The following SUGCT variants were observed in gnomAD, a reference collection of about 807,000 sequenced individuals.
The protein encoded by SUGCT is succinyl-CoA:glutarate CoA-transferase.
Under a neutral mutation model 55.0 loss-of-function variants are expected in SUGCT, and 41 were observed. That is an observed-to-expected ratio of 0.74 (90% confidence interval 0.58 to 0.97). The LOEUF is 0.97. Among genes scored for constraint, SUGCT ranks in the 50% least tolerant of loss-of-function variants. The pLI is 0.00. For synonymous variants in SUGCT, 187 were observed against 200.4 expected (o/e 0.93, Z 0.56); for missense variants, 568 against 547.8 (o/e 1.04, Z -0.37).
chr7:40,386,093 G>A (rs1273779497), intron 9 of SUGCT, among the ~76,000 whole-genome samples: 2 of 152,136 alleles, frequency 1.3e-5, no homozygotes, highest in African/African-American at 4.8e-5. Flanking sequence ...GCCTGGTTTC[G>A]TCTTCACTGT....
intron 12 of SUGCT, among the ~76,000 whole-genome samples, chr7:40,527,950 C>T (rs528547568): frequency 2.9e-4 from 44 of 152,164 alleles, no homozygotes; most frequent in African/African-American, 9.9e-4. Context: ...AACTCAGTGC[C>T]CTTGCATTTC....
At chr7:40,295,772 A>G (rs1389246287) in intron 8 of SUGCT, among the ~76,000 whole-genome samples, 4 of 152,198 alleles carry the variant, frequency 2.6e-5, no homozygotes, top group Non-Finnish European at 5.9e-5. Context: ...TGTAAAAATA[A>G]TTGCCTATTT....
intron 13 of SUGCT, among the ~76,000 whole-genome samples, chr7:40,796,779 G>A (rs958049014): frequency 6.6e-6 from 1 of 152,144 alleles, no homozygotes; most frequent in African/African-American, 2.4e-5. Flanking sequence ...TAGATATTGT[G>A]GAGAAAATAT....
chr7:40,589,314 A>G (rs1457998899), intron 12 of SUGCT, among the ~76,000 whole-genome samples: 1 of 152,192 alleles, frequency 6.6e-6, no homozygotes. Flanking sequence ...TTTATAAAGA[A>G]CAGAAATTTA....
At chr7:40,749,859 A>G (rs1455357918) in intron 13 of SUGCT, among the ~76,000 whole-genome samples, 1 of 152,212 alleles carries the variant, frequency 6.6e-6, no homozygotes, top group African/African-American at 2.4e-5. Context: ...AGAATTGGAA[A>G]GAAAGCCAGG....
At chr7:41,032,538 A>C in the SUGCT span, among the ~76,000 whole-genome samples, 1 of 152,202 alleles carries the variant, frequency 6.6e-6, no homozygotes, top group Non-Finnish European at 1.5e-5. Context: ...ACACAACTAC[A>C]TTCTAAGAAA....
chr7:40,574,588 C>T (rs1036342905), intron 12 of SUGCT, among the ~76,000 whole-genome samples: 1 of 152,092 alleles, frequency 6.6e-6, no homozygotes, highest in Non-Finnish European at 1.5e-5. Flanking sequence ...CACGCCACCA[C>T]ACGCTGCTAA....
the SUGCT span, among the ~76,000 whole-genome samples, chr7:40,924,317 T>G: frequency 6.9e-6 from 1 of 144,738 alleles, no homozygotes; most frequent in African/African-American, 2.6e-5. Context: ...CTCAGTTTAC[T>G]GCAACCTCTG....
intron 6 of SUGCT, among the ~76,000 whole-genome samples, chr7:40,202,530 T>C (rs1786670008): frequency 6.6e-6 from 1 of 152,160 alleles, no homozygotes; most frequent in Non-Finnish European, 1.5e-5. Context: ...TTATCCATCT[T>C]TTCCTATTGT....
rs553644677 is a variant in SUGCT at position 40,779,107 on chromosome 7, G to A, written c.1153+29610G>A. Among the ~76,000 whole-genome samples the A allele has an allele frequency of 1.2e-4, 17 of 144,940 alleles. No individual in the cohort carries two copies. The East Asian group carries it at 3.6e-3, about 31-fold the overall frequency. ...TGGTGCTGGTTCTGTCTCCGTTGAT[G>A]TCTTTGCCCCAGAAAAATTCACCCA... On this transcript the variant is annotated intron_variant, in intron 13 of 13. Transcript: ENST00000335693.
At chr7:40,388,608 G>T (rs1477694118) in intron 9 of SUGCT, among the ~76,000 whole-genome samples, 1 of 152,020 alleles carries the variant, frequency 6.6e-6, no homozygotes, top group Non-Finnish European at 1.5e-5. Flanking sequence ...TAGAGATGGG[G>T]TTTCACCATG....
intron 11 of SUGCT, among the ~76,000 whole-genome samples, chr7:40,467,204 G>GAAAAAAAAAAAAAAAAA (rs762283927): frequency 1.2e-5 from 1 of 83,618 alleles, no homozygotes; most frequent in Non-Finnish European, 2.3e-5. Context: ...CTAAGAAAAA[G>GAAAAAAAAAAAAAAAAA]AAAAAAAAAA....
chr7:40,821,359 C>T (rs1441259917), intron 13 of SUGCT, among the ~76,000 whole-genome samples: 2 of 152,114 alleles, frequency 1.3e-5, no homozygotes, highest in Non-Finnish European at 2.9e-5. Context: ...CTCCTCGTAC[C>T]TCTGGTAGAA....
At chr7:40,618,911 T>C (rs1476745102) in intron 12 of SUGCT, among the ~76,000 whole-genome samples, 3 of 152,202 alleles carry the variant, frequency 2.0e-5, no homozygotes, top group Non-Finnish European at 4.4e-5. Flanking sequence ...GAAACAATTA[T>C]AAGTCTGAAC....
At chr7:40,418,693 AT>A (rs1262613231) in intron 9 of SUGCT, among the ~76,000 whole-genome samples, 2 of 152,118 alleles carry the variant, frequency 1.3e-5, no homozygotes, top group East Asian at 3.9e-4. Context: ...CAGCAGGCCC[AT>A]TACAAGCGGG....
chr7:40,854,464 C>CTTTCTTTCTTTCT (rs1563050828), intron 13 of SUGCT, among the ~76,000 whole-genome samples: 1 of 137,650 alleles, frequency 7.3e-6, no homozygotes, highest in Non-Finnish European at 1.6e-5. Context: ...TTCTTTCTTT[C>CTTTCTTTCTTTCT]TTTCTTTCTT....
downstream of SUGCT, among the ~76,000 whole-genome samples, chr7:40,862,166 T>C (rs1274786437): frequency 2.6e-5 from 4 of 152,178 alleles, no homozygotes; most frequent in African/African-American, 9.7e-5. Flanking sequence ...ATATTGATCA[T>C]GCAAAGAGGA....
chr7:41,036,356 T>C, the SUGCT span, among the ~76,000 whole-genome samples: 6 of 152,212 alleles, frequency 3.9e-5, no homozygotes, highest in African/African-American at 1.4e-4. Flanking sequence ...CAGAAAAGCA[T>C]AATATTAAAG....
intron 9 of SUGCT, among the ~76,000 whole-genome samples, chr7:40,422,065 G>A (rs937517372): frequency 6.6e-6 from 1 of 151,404 alleles, no homozygotes; most frequent in East Asian, 1.9e-4. Flanking sequence ...CATGTTTCAC[G>A]GGACTGTTTG....
Sources: allele counts gnomAD v4.1 joint callset (sites outside exome capture counted in the v4.1 genomes callset), GRCh38; gene constraint gnomAD v4.1.1; transcripts MANE v1.5; gene names NCBI Gene and HGNC (gene_info 2026-07-23, HGNC 2026-07-21).